FRMPD4: variants seen among roughly 807,000 people sequenced by gnomAD.
FRMPD4 encodes the protein FERM and PDZ domain containing 4, also known as FERM and PDZ domain-containing protein 4.
A neutral mutation model predicts 94.1 loss-of-function variants in FRMPD4; 22 were observed. That is an observed-to-expected ratio of 0.23 (90% confidence interval 0.17 to 0.33). FRMPD4 has a LOEUF of 0.33. Ranked by LOEUF, FRMPD4 falls within the 10% of genes least tolerant of loss-of-function variation. FRMPD4 has a pLI of 1.00. For missense variants in FRMPD4, 1,111 were observed against 1,339.9 expected (o/e 0.83, Z 2.67); for synonymous variants, 631 against 548.6 (o/e 1.15, Z -2.10).
chrX:12,590,147 C>G (rs1439507173), intron 2 of FRMPD4, among the ~76,000 whole-genome samples: 3 of 111,882 alleles, frequency 2.7e-5, no homozygotes, highest in African/African-American at 6.5e-5. Flanking sequence ...GTTTAGGTCC[C>G]CAGTGGACAC....
chrX:12,644,291 C>T (rs1269464344), intron 4 of FRMPD4, among the ~76,000 whole-genome samples: 1 of 109,224 alleles, frequency 9.2e-6, no homozygotes, highest in Non-Finnish European at 1.9e-5. Flanking sequence ...AGGCTAGGAG[C>T]TCATCTTTAA....
chrX:12,550,245 G>A (rs1190546607), intron 2 of FRMPD4, among the ~76,000 whole-genome samples: 7 of 110,717 alleles, frequency 6.3e-5, no homozygotes, highest in Non-Finnish European at 1.3e-4. Context: ...TGTAGATAGA[G>A]GCCTCAAACA....
At chrX:12,172,380 C>A (rs1383329502) in intron 1 of FRMPD4, among the ~76,000 whole-genome samples, 3 of 111,640 alleles carry the variant, frequency 2.7e-5, no homozygotes, top group African/African-American at 6.5e-5. Context: ...TTGTTAAAGT[C>A]TTTTCTGCAG....
chrX:12,316,094 G>A lies in FRMPD4; in HGVS notation c.41+177082G>A, dbSNP rs141048810. On this transcript the variant is annotated intron_variant, in intron 1 of 16. Coordinates refer to ENST00000675598, the MANE Select transcript of FRMPD4 (RefSeq NM_001368397.1). Reference sequence around the variant, plus strand: ...ATAGACCTCAAATGATACCTCTCAGGTGTTATTTACTAAACTGGGTGAATT... The same window carrying A: ...ATAGACCTCAAATGATACCTCTCAGATGTTATTTACTAAACTGGGTGAATT... 4.6e-3 allele frequency among the ~76,000 whole-genome samples: 516 copies of A among 112,011 alleles called. 3 individuals are homozygous for A. Among genetic ancestry groups the A allele is most frequent in the African/African-American group, 0.016 (495 of 30,836 alleles).
At chrX:12,240,153 T>G (rs752057693) in intron 1 of FRMPD4, among the ~76,000 whole-genome samples, 1 of 112,836 alleles carries the variant, frequency 8.9e-6, no homozygotes, top group East Asian at 2.8e-4. Flanking sequence ...TTATTGTCTA[T>G]GGCTGCATTT....
intron 1 of FRMPD4, among the ~76,000 whole-genome samples, chrX:12,486,007 C>T (rs2057735854): frequency 9.0e-6 from 1 of 111,644 alleles, no homozygotes; most frequent in South Asian, 3.8e-4. Context: ...ATTGTCAAAC[C>T]AGTGCTCATT....
chrX:11,954,471 T>G (rs772702331), intron 3 of FRMPD4, among the ~76,000 whole-genome samples: 12 of 112,068 alleles, frequency 1.1e-4, no homozygotes, highest in Non-Finnish European at 2.3e-4. Context: ...GTTCACAGGT[T>G]GTCCGGTTAG....
At chrX:12,688,082 G>C (rs2060044721) in intron 7 of FRMPD4, among the ~76,000 whole-genome samples, 1 of 112,176 alleles carries the variant, frequency 8.9e-6, no homozygotes, top group African/African-American at 3.2e-5. Flanking sequence ...TTTTTCTTTA[G>C]GCAAGGTTAA....
At chrX:12,090,339 G>A (rs1343362493) in intron 3 of FRMPD4, among the ~76,000 whole-genome samples, 1 of 110,024 alleles carries the variant, frequency 9.1e-6, no homozygotes, top group Non-Finnish European at 1.9e-5. Flanking sequence ...CTCCCCTTTT[G>A]CCTTCTGCCA....
At chrX:12,136,326 CAAA>C (rs57110936), upstream of FRMPD4, among the ~76,000 whole-genome samples, 1 of 84,154 alleles carries the variant, frequency 1.2e-5, no homozygotes, top group Non-Finnish European at 2.4e-5. Flanking sequence ...AGATTCAGAC[CAAA>C]AAAAAAAAAA....
chrX:12,719,994 A>AGAAAGGAAAGGAAAGGAAAGGAAAG (rs771686552), intron 16 of FRMPD4, among the ~76,000 whole-genome samples: 1 of 81,940 alleles, frequency 1.2e-5, no homozygotes, highest in African/African-American at 5.3e-5. Flanking sequence ...AAGAAAGGAA[A>AGAAAGGAAAGGAAAGGAAAGGAAAG]GAAAGGAAAG....
intron 2 of FRMPD4, among the ~76,000 whole-genome samples, chrX:12,591,675 CAGA>C (rs2058983800): frequency 1.8e-5 from 2 of 112,088 alleles, no homozygotes; most frequent in South Asian, 7.5e-4. Context: ...GGGCCCTTTA[CAGA>C]AGAAGTCTGC....
chrX:11,822,985 G>A (rs1055199124), intron 1 of FRMPD4, among the ~76,000 whole-genome samples: 4 of 111,360 alleles, frequency 3.6e-5, no homozygotes, highest in Admixed American at 9.6e-5. Flanking sequence ...GACTGGCTAC[G>A]TCCCGACTAT....
At chrX:12,490,156 C>G (rs755960045) in intron 1 of FRMPD4, among the ~76,000 whole-genome samples, 2 of 111,280 alleles carry the variant, frequency 1.8e-5, no homozygotes, top group African/African-American at 6.5e-5. Context: ...ATATGCAGTA[C>G]GAGACTGACC....
chrX:12,660,699 T>C (rs111350391), intron 4 of FRMPD4, among the ~76,000 whole-genome samples: 8 of 112,465 alleles, frequency 7.1e-5, no homozygotes, highest in African/African-American at 2.6e-4. Flanking sequence ...ACAAACGTAA[T>C]GGCTTAATGT....
At chrX:12,468,580 A>G (rs2057475129) in intron 1 of FRMPD4, among the ~76,000 whole-genome samples, 1 of 111,896 alleles carries the variant, frequency 8.9e-6, no homozygotes, top group South Asian at 3.7e-4. Context: ...AGGAAACTTC[A>G]TTTGGGTGAA....
At chrX:12,428,551 CTTTG>C (rs2056977444) in intron 1 of FRMPD4, among the ~76,000 whole-genome samples, 1 of 111,207 alleles carries the variant, frequency 9.0e-6, no homozygotes, top group African/African-American at 3.3e-5. Context: ...AACAAATTTC[CTTTG>C]TTTCTTTCAC....
At chrX:12,231,772 A>G (rs1333272563) in intron 1 of FRMPD4, among the ~76,000 whole-genome samples, 1 of 111,815 alleles carries the variant, frequency 8.9e-6, no homozygotes, top group African/African-American at 3.3e-5. Context: ...ATATGAACCA[A>G]TAGATGAGAT....
chrX:12,360,397 T>C (rs1484484707), intron 1 of FRMPD4, among the ~76,000 whole-genome samples: 1 of 111,764 alleles, frequency 8.9e-6, no homozygotes, highest in Non-Finnish European at 1.9e-5. Context: ...GGGGATGCCT[T>C]AGTTGAGGGC....
Sources: gnomAD v4.1 joint callset for allele counts (sites outside exome capture counted in the v4.1 genomes callset) on GRCh38, gnomAD v4.1.1 for gene constraint, MANE v1.5 for transcripts, NCBI Gene and HGNC (gene_info 2026-07-23, HGNC 2026-07-21) for gene names.